Variants in BMPR2 observed in about 807,000 individuals in gnomAD.
The protein encoded by BMPR2 is bone morphogenetic protein receptor type 2, also known as bone morphogenetic protein receptor type-2.
A neutral mutation model predicts 100.8 loss-of-function variants in BMPR2; 29 were observed. That is an observed-to-expected ratio of 0.29 (90% CI 0.21 to 0.39). The LOEUF is 0.39. BMPR2 is among the 10% of genes least tolerant of loss of function. The pLI is 1.00. For missense variants in BMPR2, 1,011 were observed against 1,274.5 expected (o/e 0.79, Z 3.15); for synonymous variants, 382 against 442.3 (o/e 0.86, Z 1.71).
intron 1 of BMPR2, among the ~76,000 whole-genome samples, chr2:202,450,244 T>C (rs1691949022): frequency 6.6e-6 from 1 of 152,204 alleles, no homozygotes; most frequent in Non-Finnish European, 1.5e-5. Flanking sequence ...AGGTACCTTA[T>C]GAAGATTTTG....
At chr2:202,509,036 A>C (rs1361850764) in intron 3 of BMPR2, among the ~76,000 whole-genome samples, 2 of 152,192 alleles carry the variant, frequency 1.3e-5, no homozygotes, top group Non-Finnish European at 2.9e-5. Context: ...TTTTAGGAAT[A>C]CCTACACCAA....
At chr2:202,537,388 A>G (rs1488666551) in intron 9 of BMPR2, among the ~76,000 whole-genome samples, 1 of 152,238 alleles carries the variant, frequency 6.6e-6, no homozygotes, top group Non-Finnish European at 1.5e-5. Context: ...GATCTGATAA[A>G]TAATAAAGAA....
chr2:202,553,083 C>A (rs1310403024), intron 11 of BMPR2, among the ~76,000 whole-genome samples, 195 bp downstream of exon 11: 1 of 152,150 alleles, frequency 6.6e-6, no homozygotes, highest in Non-Finnish European at 1.5e-5. Flanking sequence ...AAGATGAAAT[C>A]TGCATTTTTT....
At chr2:202,481,950 C>T (rs1692668716) in intron 3 of BMPR2, among the ~76,000 whole-genome samples, 1 of 152,196 alleles carries the variant, frequency 6.6e-6, no homozygotes, top group Admixed American at 6.5e-5. Flanking sequence ...CCTTCAAGTA[C>T]TGAAACTCTA....
At chr2:202,439,748 TTTTC>T (rs2105937737) in intron 1 of BMPR2, among the ~76,000 whole-genome samples, 1 of 149,384 alleles carries the variant, frequency 6.7e-6, no homozygotes, top group Admixed American at 6.6e-5. Flanking sequence ...CTTTTTTCTT[TTTTC>T]TTTTTTTTTA....
intron 1 of BMPR2, among the ~76,000 whole-genome samples, chr2:202,386,297 C>T (rs760182887): frequency 4.9e-4 from 75 of 152,306 alleles, no homozygotes; most frequent in African/African-American, 1.5e-3. Flanking sequence ...ACTTGGATGT[C>T]TGATATTCAT....
chr2:202,535,650 A>G (rs1189768113), intron 9 of BMPR2, among the ~76,000 whole-genome samples: 1 of 142,068 alleles, frequency 7.0e-6, no homozygotes, highest in Non-Finnish European at 1.5e-5. Context: ...ATGGGCGGCC[A>G]GGCAGAGACG....
At chr2:202,504,372 AG>A (rs1687475177) in intron 3 of BMPR2, among the ~76,000 whole-genome samples, 1 of 152,104 alleles carries the variant, frequency 6.6e-6, no homozygotes, top group Non-Finnish European at 1.5e-5. Flanking sequence ...GGAGCCCACC[AG>A]GAGGAATGAA....
intron 10 of BMPR2, among the ~76,000 whole-genome samples, chr2:202,543,250 T>G (rs1339191570): frequency 6.8e-6 from 1 of 147,374 alleles, no homozygotes; most frequent in African/African-American, 2.5e-5. Context: ...ACATATATAT[T>G]TATATACATA....
intron 1 of BMPR2, among the ~76,000 whole-genome samples, chr2:202,389,032 C>T (rs922655875): frequency 2.0e-5 from 3 of 150,616 alleles, no homozygotes; most frequent in African/African-American, 7.3e-5. Context: ...GAGTTCGAGA[C>T]CAGCCTGGGC....
chr2:202,502,371 C>T lies in BMPR2; in HGVS notation c.419-11348C>T, dbSNP rs184992847. On this transcript the variant is annotated intron_variant, in intron 3 of 12. Coordinates refer to ENST00000374580, the MANE Select transcript of BMPR2 (RefSeq NM_001204.7). ...GAAAGGAAAGAAAGGGACAGGAAGT[C>T]AAAGAAAGAGACAGAGAAGAGACAA... is the stretch of plus-strand genomic sequence containing the variant. Among the ~76,000 whole-genome samples the T allele has an allele frequency of 6.0e-5, 9 of 150,476 alleles. No individual in the cohort carries two copies. In the East Asian group the frequency reaches 1.6e-3, roughly 26 times the overall value.
chr2:202,535,007 C>G (rs1326368965), intron 9 of BMPR2, among the ~76,000 whole-genome samples: 4 of 144,740 alleles, frequency 2.8e-5, no homozygotes, highest in Admixed American at 2.0e-4. Context: ...ACCTCCCTCC[C>G]GGACGGGTCG....
rs149271645 is a variant in BMPR2, at chr2:202,539,223, C to G, written c.1277-3088C>G. Among the ~76,000 whole-genome samples, 288 of 152,204 alleles carry G rather than the reference C, an allele frequency of 1.9e-3. 2 individuals carry two copies. Among genetic ancestry groups the G allele is most frequent in the African/African-American group, 6.1e-3 (253 of 41,542 alleles). ...ATTAAAAAATAAAAATAAAAAACCA[C>G]ACCAAGATTGATGGCAATAGATGTA... On this transcript the variant is annotated intron_variant, in intron 9 of 12. Transcript: ENST00000374580.
chr2:202,510,237 T>G (rs1423842322), intron 3 of BMPR2, among the ~76,000 whole-genome samples: 1 of 152,166 alleles, frequency 6.6e-6, no homozygotes, highest in East Asian at 1.9e-4. Flanking sequence ...ACCAACATGG[T>G]GAAACCCTGT....
intron 1 of BMPR2, among the ~76,000 whole-genome samples, chr2:202,434,898 AAAAAAAAAAAATATATATATATAT>A (rs1691577454): frequency 1.5e-5 from 1 of 66,014 alleles, no homozygotes; most frequent in African/African-American, 6.1e-5. Context: ...AAAAAAAAAA[AAAAAAAAAAAATATATATATATAT>A]ATATATATAT....
At position 202,434,686 on chromosome 2, in the gene BMPR2, C is replaced by T. The variant is rs1044390214; in HGVS notation, c.77-30123C>T. 1.3e-5 allele frequency among the ~76,000 whole-genome samples: 2 copies of T among 148,220 alleles called. 1 individual carries two copies. The highest frequency in any genetic ancestry group is 2.9e-5 in the Non-Finnish European group (2 of 67,848). ...ACAGGCTGGAGTGCAGTGGCTGGCA[C>T]AATCTTGGCTCACTGCAACCTTGAC... is the stretch of plus-strand genomic sequence containing the variant. On this transcript the variant is annotated intron_variant, in intron 1 of 12. Coordinates refer to ENST00000374580, the MANE Select transcript of BMPR2 (RefSeq NM_001204.7).
intron 3 of BMPR2, among the ~76,000 whole-genome samples, chr2:202,500,536 G>C (rs1433541144): frequency 6.6e-6 from 1 of 152,170 alleles, no homozygotes; most frequent in East Asian, 1.9e-4. Flanking sequence ...TCCAAATCAG[G>C]TTAAAAGATC....
At chr2:202,534,311 G>A (rs1418867144) in intron 9 of BMPR2, among the ~76,000 whole-genome samples, 1 of 150,548 alleles carries the variant, frequency 6.6e-6, no homozygotes, top group African/African-American at 2.4e-5. Flanking sequence ...TCACAGAGGG[G>A]GATTTGGCTG....
intron 1 of BMPR2, among the ~76,000 whole-genome samples, chr2:202,427,494 GA>G (rs559143664): frequency 6.2e-4 from 82 of 131,750 alleles, no homozygotes; most frequent in South Asian, 1.7e-3. Context: ...TAAGTAAAAA[GA>G]AAAAAAAAAA....
Sources: allele counts gnomAD v4.1 joint callset (sites outside exome capture counted in the v4.1 genomes callset), GRCh38; gene constraint gnomAD v4.1.1; transcripts MANE v1.5; gene names NCBI Gene and HGNC (gene_info 2026-07-23, HGNC 2026-07-21).